IQCH: variants seen among roughly 807,000 people sequenced by gnomAD.
IQCH encodes the protein IQ domain-containing protein H.
IQCH carries 98 observed loss-of-function variants against 117.0 expected under a neutral mutation model. That is an observed-to-expected ratio of 0.84 (90% CI 0.71 to 0.99). IQCH has a LOEUF of 0.99. Among genes scored for constraint, IQCH ranks in the 50% least tolerant of loss-of-function variants. The pLI is 0.00. For missense variants in IQCH, 1,102 were observed against 1,243.8 expected (o/e 0.89, Z 1.72); for synonymous variants, 412 against 448.2 (o/e 0.92, Z 1.02).
intron 4 of IQCH, among the ~76,000 whole-genome samples, chr15:67,290,311 A>G (rs1232885563): frequency 6.6e-6 from 1 of 152,078 alleles, no homozygotes; most frequent in Non-Finnish European, 1.5e-5. Flanking sequence ...GCTGGTTTAT[A>G]TCATAATTTC....
At chr15:67,378,947 A>G (rs906577012) in intron 10 of IQCH, among the ~76,000 whole-genome samples, 2 of 152,238 alleles carry the variant, frequency 1.3e-5, no homozygotes, top group African/African-American at 2.4e-5. Context: ...ATCTGTCATT[A>G]TTAACTGTAT....
chr15:67,328,035 A>G (rs1040910314), intron 4 of IQCH, among the ~76,000 whole-genome samples: 1 of 152,216 alleles, frequency 6.6e-6, no homozygotes, highest in Non-Finnish European at 1.5e-5. Flanking sequence ...TTACACACAC[A>G]TAAATCTCAA....
chr15:67,361,790 T>C (rs11071950), intron 8 of IQCH, among the ~76,000 whole-genome samples: 71,593 of 151,984 alleles, frequency 0.47, 17,272 homozygotes, highest in Non-Finnish European at 0.52. Flanking sequence ...GAATAAAAAA[T>C]GATAGTAGAG....
chr15:67,338,045 A>G (rs188987426), intron 5 of IQCH, among the ~76,000 whole-genome samples: 1 of 152,326 alleles, frequency 6.6e-6, no homozygotes, highest in Non-Finnish European at 1.5e-5. Context: ...TTTGTGACAT[A>G]TGCTTTCTAG....
intron 3 of IQCH, among the ~76,000 whole-genome samples, chr15:67,276,593 A>C (rs1410894235): frequency 6.6e-6 from 1 of 152,110 alleles, no homozygotes; most frequent in African/African-American, 2.4e-5. Flanking sequence ...CTTTTGAAGG[A>C]TAATTTTTGC....
Position 67,365,362 on chromosome 15 carries a change from A to G in IQCH, c.753+5477A>G, listed in dbSNP as rs140964591. On this transcript the variant is annotated intron_variant, in intron 8 of 20. Transcript: ENST00000335894. The surrounding 1 kb of genome is among the most constrained non-coding windows in gnomAD (Gnocchi z 4.4). ...CAAATAACTTGTATGATCATAGAACAGCTTTGTGCTGTGAACCCAGTCCAA... is the reference window on the plus strand; with the variant it reads ...CAAATAACTTGTATGATCATAGAACGGCTTTGTGCTGTGAACCCAGTCCAA... 2.6e-5 allele frequency among the ~76,000 whole-genome samples: 4 copies of G among 152,340 alleles called. No individual in the cohort carries two copies. Among genetic ancestry groups the G allele is most frequent in the Non-Finnish European group, 5.9e-5 (4 of 68,032 alleles).
chr15:67,287,604 T>C (rs1966609792), intron 4 of IQCH, among the ~76,000 whole-genome samples: 1 of 151,468 alleles, frequency 6.6e-6, no homozygotes, highest in South Asian at 2.1e-4. Context: ...TTCTGCATTG[T>C]ATTATCTCCT....
rs2082951909 is a variant in IQCH, at chr15:67,467,102, A to C, written c.2676+1805A>C. The stretch of plus-strand genomic sequence containing the variant: ...GCCGGGCATGGTGGTGCATGCCTAT[A>C]ATCCTAGCTACTGGGAAGGCTGAGG... On this transcript the variant is annotated intron_variant, in intron 17 of 20. Transcript: ENST00000335894. The surrounding 1 kb of genome is among the most constrained non-coding windows in gnomAD (Gnocchi z 5.7). The C allele has an allele frequency of 6.6e-6, 1 of 152,564 alleles. No individual in the cohort carries two copies. The highest frequency in any genetic ancestry group is 6.5e-5 in the Admixed American group (1 of 15,276). 9.5% of individuals were successfully genotyped at this position (152,564 alleles called of 1,614,324 possible).
Position 67,475,669 on chromosome 15 carries a change from T to G in IQCH, c.2677-27T>G. 6.2e-7 allele frequency: 1 copy of G among 1,602,810 alleles called. No homozygotes were observed. Among genetic ancestry groups the G allele is most frequent in the Non-Finnish European group, 8.5e-7 (1 of 1,174,872 alleles). On this transcript the variant is annotated intron_variant, in intron 17 of 20. Coordinates refer to ENST00000335894, the MANE Select transcript of IQCH (RefSeq NM_001031715.3). The surrounding 1 kb of genome is among the most constrained non-coding windows in gnomAD (Gnocchi z 5.7). ...ATTACAAGTTTATTTAAATATCTGTTTAATATTCAGTTGTGCTCCTTTCCA... is the reference window on the plus strand; with the variant it reads ...ATTACAAGTTTATTTAAATATCTGTGTAATATTCAGTTGTGCTCCTTTCCA...
chr15:67,372,919 A>C (rs574819011), intron 9 of IQCH, among the ~76,000 whole-genome samples: 5 of 152,068 alleles, frequency 3.3e-5, no homozygotes, highest in African/African-American at 4.8e-5. Flanking sequence ...AAAAAAAAAA[A>C]GTCCCTTCAC....
chr15:67,481,603 G>A lies in IQCH; in HGVS notation c.2799+5785G>A, dbSNP rs1279602842. 6.6e-6 allele frequency among the ~76,000 whole-genome samples: 1 copy of A among 152,044 alleles called. No homozygotes were observed. Among genetic ancestry groups the A allele is most frequent in the Admixed American group, 6.6e-5 (1 of 15,262 alleles). On this transcript the variant is annotated intron_variant, in intron 18 of 20. Coordinates refer to ENST00000335894, the MANE Select transcript of IQCH (RefSeq NM_001031715.3). This position sits in a 1 kb window ranked among gnomAD's most constrained non-coding sequence, Gnocchi z 4.1. Reference sequence around the variant, plus strand: ...CAGAGAGACTCTCTCAGGAAAAAGAGAACAGAACAAAAGGGTAAAAAGAAA... The same window carrying A: ...CAGAGAGACTCTCTCAGGAAAAAGAAAACAGAACAAAAGGGTAAAAAGAAA...
In IQCH at chr15:67,274,103, T is replaced by C. The variant is rs141940839; in HGVS notation, c.270-5292T>C. On this transcript the variant is annotated intron_variant, in intron 3 of 20. Coordinates refer to ENST00000335894, the MANE Select transcript of IQCH (RefSeq NM_001031715.3). The stretch of plus-strand genomic sequence containing the variant: ...TGCTGTTTTCAGGATCTTCTCTTTG[T>C]CCTTGACCTTTGAGAGTTTGATTAG... Among the ~76,000 whole-genome samples, 1,081 of 152,364 alleles carry C rather than the reference T, an allele frequency of 7.1e-3. 11 individuals are homozygous for C. Among genetic ancestry groups the C allele is most frequent in the Non-Finnish European group, 0.012 (793 of 68,026 alleles).
At chr15:67,348,374 C>CAA (rs1479399902) in intron 6 of IQCH, among the ~76,000 whole-genome samples, 1 of 151,724 alleles carries the variant, frequency 6.6e-6, no homozygotes, top group African/African-American at 2.4e-5. Context: ...CACACACACA[C>CAA]ACACACGCAC....
rs181237652 is a variant in IQCH at position 67,463,728 on chromosome 15, C to T, written c.2506-1399C>T. On this transcript the variant is annotated intron_variant, in intron 16 of 20. Transcript: ENST00000335894. This position sits in a 1 kb window ranked among gnomAD's most constrained non-coding sequence, Gnocchi z 4.0. ...GCAGCCCTGATTTCATTAGACAAAC[C>T]CAGTCTGTCCTTTCTTTCTGCTTCA... 6.6e-6 allele frequency among the ~76,000 whole-genome samples: 1 copy of T among 152,300 alleles called. No homozygotes were observed. Among genetic ancestry groups the T allele is most frequent in the East Asian group, 1.9e-4 (1 of 5,184 alleles).
chr15:67,412,228 A>G (rs1257285806), intron 14 of IQCH, among the ~76,000 whole-genome samples: 1 of 152,206 alleles, frequency 6.6e-6, no homozygotes, highest in Non-Finnish European at 1.5e-5. Context: ...TATTATCAAC[A>G]AGGTATATAT....
At chr15:67,285,470 G>A (rs1226398722) in intron 4 of IQCH, among the ~76,000 whole-genome samples, 1 of 151,906 alleles carries the variant, frequency 6.6e-6, no homozygotes, top group Non-Finnish European at 1.5e-5. Flanking sequence ...GTCAATTTTT[G>A]TTGACAAAAA....
intron 3 of IQCH, among the ~76,000 whole-genome samples, chr15:67,271,050 C>A (rs1259456088): frequency 6.6e-6 from 1 of 152,190 alleles, no homozygotes; most frequent in Non-Finnish European, 1.5e-5. Flanking sequence ...CTCCCTGCAA[C>A]CTCCACCTTC....
intron 4 of IQCH, among the ~76,000 whole-genome samples, chr15:67,320,924 G>T (rs1479869136): frequency 6.6e-6 from 1 of 152,092 alleles, no homozygotes; most frequent in South Asian, 2.1e-4. Flanking sequence ...TCACTAACAC[G>T]CTGATGTGCC....
chr15:67,288,467 C>A (rs188407257), intron 4 of IQCH, among the ~76,000 whole-genome samples: 1 of 152,044 alleles, frequency 6.6e-6, no homozygotes, highest in African/African-American at 2.4e-5. Flanking sequence ...AATTGTTACA[C>A]GTTTTTGCTG....
Sources: allele counts gnomAD v4.1 joint callset (sites outside exome capture counted in the v4.1 genomes callset), GRCh38; gene constraint gnomAD v4.1.1; non-coding constraint Gnocchi (gnomAD v3.1); transcripts MANE v1.5; gene names NCBI Gene and HGNC (gene_info 2026-07-23, HGNC 2026-07-21).